Variants in KCNIP4 observed in about 807,000 individuals in gnomAD.
The protein encoded by KCNIP4 is potassium voltage-gated channel interacting protein 4, also known as Kv channel-interacting protein 4.
In KCNIP4, 12 loss-of-function variants were observed where a neutral mutation model predicts 34.0. The ratio of observed to expected loss-of-function variants is 0.35; its 90% CI spans 0.23 to 0.57. The LOEUF is 0.57. KCNIP4 is among the 20% of genes least tolerant of loss of function. The probability of loss-of-function intolerance (pLI) is 0.83; values close to 1 mark genes in which losing one functional copy is unlikely to be tolerated. For missense variants in KCNIP4, 238 were observed against 311.7 expected (o/e 0.76, Z 1.78); for synonymous variants, 124 against 102.2 (o/e 1.21, Z -1.29).
chr4:21,838,105 AAT>A (rs1723460305), intron 1 of KCNIP4, among the ~76,000 whole-genome samples: 1 of 152,208 alleles, frequency 6.6e-6, no homozygotes, highest in East Asian at 1.9e-4. Flanking sequence ...GCTTACACAA[AAT>A]AATAAGGCCT....
chr4:21,231,421 T>C (rs1254023010), intron 1 of KCNIP4, among the ~76,000 whole-genome samples: 1 of 152,190 alleles, frequency 6.6e-6, no homozygotes, highest in East Asian at 1.9e-4. Flanking sequence ...CAAGGTGCTA[T>C]TTCCCAAATC....
intron 3 of KCNIP4, among the ~76,000 whole-genome samples, chr4:20,780,041 G>T (rs985865739): frequency 6.6e-6 from 1 of 152,174 alleles, no homozygotes; most frequent in Non-Finnish European, 1.5e-5. Context: ...ATGCATGATT[G>T]TAGGACATGG....
At chr4:20,854,182 C>T (rs116519771) in intron 2 of KCNIP4, among the ~76,000 whole-genome samples, 8,513 of 152,312 alleles carry the variant, frequency 0.056, 316 homozygotes, top group South Asian at 0.13. Context: ...AAAAAAGATA[C>T]TTGCACATGC....
chr4:21,428,172 A>C (rs1726098418), intron 1 of KCNIP4, among the ~76,000 whole-genome samples: 1 of 152,172 alleles, frequency 6.6e-6, no homozygotes, highest in African/African-American at 2.4e-5. Flanking sequence ...ATGGTAAAAC[A>C]AAACAATGAT....
chr4:21,488,891 GGC>G (rs1254804652), intron 1 of KCNIP4, among the ~76,000 whole-genome samples: 6 of 152,098 alleles, frequency 3.9e-5, no homozygotes, highest in Non-Finnish European at 7.4e-5. Context: ...ATGGTATTCA[GGC>G]ACAGGGTCTT....
intron 1 of KCNIP4, among the ~76,000 whole-genome samples, chr4:21,188,763 A>T (rs1362801089): frequency 6.6e-6 from 1 of 152,222 alleles, no homozygotes; most frequent in Non-Finnish European, 1.5e-5. Flanking sequence ...ATTAACCATC[A>T]TGGTAATAGA....
At position 21,660,300 on chromosome 4, in the gene KCNIP4, A is replaced by G. The variant is rs1370648222; in HGVS notation, c.61+288271T>C. Among the ~76,000 whole-genome samples, 4 of 152,160 alleles carry G rather than the reference A, an allele frequency of 2.6e-5. No individual in the cohort carries two copies. The East Asian group carries it at 5.8e-4, about 22-fold the overall frequency. Reference sequence around the variant, plus strand: ...CATATCTCCTAAATGACCTTTCCCAATGGCTTGCAGATAAGAAACATTCAA... The same window carrying G: ...CATATCTCCTAAATGACCTTTCCCAGTGGCTTGCAGATAAGAAACATTCAA... On this transcript the variant is annotated intron_variant, in intron 1 of 8. Coordinates refer to ENST00000382152, the MANE Select transcript of KCNIP4 (RefSeq NM_025221.6).
chr4:21,520,374 G>A (rs769278913), intron 1 of KCNIP4, among the ~76,000 whole-genome samples: 12 of 152,058 alleles, frequency 7.9e-5, no homozygotes, highest in South Asian at 2.1e-4. Context: ...AATGTTTGTC[G>A]TTTAAGCCAC....
intron 5 of KCNIP4, among the ~76,000 whole-genome samples, chr4:20,741,284 C>T (rs548959848): frequency 8.4e-4 from 128 of 152,204 alleles, no homozygotes; most frequent in Non-Finnish European, 1.3e-3. Flanking sequence ...CTCAGCACTA[C>T]GTCACACTTA....
At chr4:21,762,927 A>T in intron 1 of KCNIP4, 3 of 1,288,532 alleles carry the variant, frequency 2.3e-6, no homozygotes, top group Non-Finnish European at 3.0e-6. Flanking sequence ...TCACATGATG[A>T]TCTGACAGGT....
intron 1 of KCNIP4, among the ~76,000 whole-genome samples, chr4:21,324,482 C>T (rs1042718941): frequency 6.6e-6 from 1 of 151,958 alleles, no homozygotes; most frequent in Non-Finnish European, 1.5e-5. Flanking sequence ...CCAGCTTTCC[C>T]AGCACCATTT....
Position 21,153,108 on chromosome 4 carries a change from T to C in KCNIP4, c.62-270399A>G, listed in dbSNP as rs138437879. Among the ~76,000 whole-genome samples the C allele has an allele frequency of 3.2e-3, 485 of 152,262 alleles. 1 individual carries two copies. The highest frequency in any genetic ancestry group is 0.011 in the African/African-American group (446 of 41,564). ...TATCCTAATTAACTCCTTAAACACATGGCATTTGATATTTGCACAGGTGTA... is the reference window on the plus strand; with the variant it reads ...TATCCTAATTAACTCCTTAAACACACGGCATTTGATATTTGCACAGGTGTA... On this transcript the variant is annotated intron_variant, in intron 1 of 8. Coordinates refer to ENST00000382152, the MANE Select transcript of KCNIP4 (RefSeq NM_025221.6).
intron 1 of KCNIP4, among the ~76,000 whole-genome samples, chr4:20,986,497 A>T (rs551654608): frequency 1.3e-5 from 2 of 152,306 alleles, no homozygotes; most frequent in African/African-American, 4.8e-5. Context: ...TTAAAAAAAA[A>T]TTACAGAAAT....
intron 1 of KCNIP4, among the ~76,000 whole-genome samples, chr4:21,039,098 G>A (rs1741721267): frequency 6.6e-6 from 1 of 152,192 alleles, no homozygotes; most frequent in Non-Finnish European, 1.5e-5. Context: ...GGTGGCTCAT[G>A]CCTGTAATCC....
At chr4:20,798,936 CCT>C (rs1372967299) in intron 3 of KCNIP4, among the ~76,000 whole-genome samples, 3 of 152,178 alleles carry the variant, frequency 2.0e-5, no homozygotes, top group Non-Finnish European at 4.4e-5. Flanking sequence ...CCCACTGCCC[CCT>C]GTCCCCTATC....
At chr4:20,968,704 A>C (rs1734627657) in intron 1 of KCNIP4, among the ~76,000 whole-genome samples, 1 of 147,494 alleles carries the variant, frequency 6.8e-6, no homozygotes, top group South Asian at 2.2e-4. Flanking sequence ...ACATGTTCTC[A>C]CTCATAGGTG....
chr4:21,593,381 G>C (rs1249349600), intron 1 of KCNIP4, among the ~76,000 whole-genome samples: 1 of 152,126 alleles, frequency 6.6e-6, no homozygotes, highest in Non-Finnish European at 1.5e-5. Context: ...GAACCTCCGA[G>C]TGGTTTTGTG....
At chr4:21,612,925 G>T (rs542408612) in intron 1 of KCNIP4, among the ~76,000 whole-genome samples, 3 of 152,156 alleles carry the variant, frequency 2.0e-5, no homozygotes, top group African/African-American at 7.2e-5. Flanking sequence ...CCTTTTAATA[G>T]AAGTAATATC....
chr4:21,601,110 AC>A (rs112370174), intron 1 of KCNIP4, among the ~76,000 whole-genome samples: 18,233 of 151,354 alleles, frequency 0.12, 1,211 homozygotes, highest in African/African-American at 0.15. Context: ...TTTCACAGGC[AC>A]CAGTGTCCTA....
Sources: gnomAD v4.1 joint callset for allele counts (sites outside exome capture counted in the v4.1 genomes callset) on GRCh38, gnomAD v4.1.1 for gene constraint, MANE v1.5 for transcripts, NCBI Gene and HGNC (gene_info 2026-07-23, HGNC 2026-07-21) for gene names.